Variants in BLTP1 observed in about 807,000 individuals in gnomAD.
BLTP1 encodes bridge-like lipid transfer protein family member 1.
At chr4:122,344,606 A>G in the BLTP1 span, 19 of 1,384,180 alleles carry the variant, frequency 1.4e-5, no homozygotes, top group Non-Finnish European at 1.7e-5. Context: ...GTTTTCCAAA[A>G]TTAAATAATG....
the BLTP1 span, chr4:122,306,007 G>C: frequency 6.2e-7 from 1 of 1,610,340 alleles, no homozygotes. Flanking sequence ...ACTTTGAATA[G>C]ACCAATTGTT....
At chr4:122,343,408 A>G in the BLTP1 span, 1 of 1,613,554 alleles carries the variant, frequency 6.2e-7, no homozygotes, top group Admixed American at 1.7e-5. Context: ...TGCTCACTGT[A>G]GGTTCATCGG....
the BLTP1 span, among the ~76,000 whole-genome samples, chr4:122,321,891 A>G: frequency 2.1e-5 from 3 of 142,710 alleles, no homozygotes; most frequent in Non-Finnish European, 3.0e-5. Flanking sequence ...ACTGCCTTCT[A>G]CCTGGCATAG....
the BLTP1 span, chr4:122,187,924 G>T: frequency 4.4e-6 from 7 of 1,583,358 alleles, no homozygotes; most frequent in African/African-American, 1.4e-5. Context: ...ATCACTACCA[G>T]CCGCAAACTC....
chr4:122,257,409 A>G, the BLTP1 span: 1 of 1,614,052 alleles, frequency 6.2e-7, no homozygotes, highest in Non-Finnish European at 8.5e-7. Context: ...ATGGACCATG[A>G]ACATGAAGAT....
At chr4:122,197,933 AT>A in the BLTP1 span, 1 of 978,984 alleles carries the variant, frequency 1.0e-6, no homozygotes, top group Non-Finnish European at 1.2e-6. Flanking sequence ...AGCAGTTAAG[AT>A]GAAATTCTGC....
chr4:122,304,680 C>T, the BLTP1 span: 1 of 1,456,854 alleles, frequency 6.9e-7, no homozygotes, highest in South Asian at 1.5e-5. Context: ...CAAGGTATGC[C>T]TGTTCATGGT....
At chr4:122,294,490 T>C in the BLTP1 span, among the ~76,000 whole-genome samples, 1 of 152,170 alleles carries the variant, frequency 6.6e-6, no homozygotes, top group East Asian at 1.9e-4. Flanking sequence ...CACTAGAGTC[T>C]GGAGGGGACC....
At chr4:122,217,321 T>G in the BLTP1 span, among the ~76,000 whole-genome samples, 6 of 152,182 alleles carry the variant, frequency 3.9e-5, no homozygotes, top group Non-Finnish European at 7.3e-5. Context: ...TGCTTAGTCT[T>G]ACTTTTGCTA....
At chr4:122,255,987 A>T in the BLTP1 span, 1 of 893,566 alleles carries the variant, frequency 1.1e-6, no homozygotes, top group East Asian at 1.2e-4. Context: ...AGTTTGATGA[A>T]ACAGGGACTA....
chr4:122,246,964 A>G, the BLTP1 span: 1 of 899,744 alleles, frequency 1.1e-6, no homozygotes, highest in Non-Finnish European at 1.3e-6. Context: ...ATAGATTAGT[A>G]ACATATGTCT....
At chr4:122,196,569 G>A in the BLTP1 span, 1 of 1,283,690 alleles carries the variant, frequency 7.8e-7, no homozygotes, top group South Asian at 1.4e-5. Context: ...TATTGATTAT[G>A]TTCCTTTATC....
chr4:122,206,397 A>G, the BLTP1 span, among the ~76,000 whole-genome samples: 7 of 151,962 alleles, frequency 4.6e-5, no homozygotes, highest in African/African-American at 1.4e-4. Context: ...TCAGTGAAAT[A>G]GGTAGTCAAG....
chr4:122,251,870 T>G, the BLTP1 span, among the ~76,000 whole-genome samples: 1 of 152,176 alleles, frequency 6.6e-6, no homozygotes, highest in Non-Finnish European at 1.5e-5. Flanking sequence ...CTAGGTCAGT[T>G]CCGTAATTTA....
At chr4:122,276,690 C>T in the BLTP1 span, 2 of 902,544 alleles carry the variant, frequency 2.2e-6, no homozygotes, top group Non-Finnish European at 2.7e-6. Flanking sequence ...AGCAGCATTT[C>T]AGAGCCTACC....
At chr4:122,272,243 A>T in the BLTP1 span, 1 of 1,613,426 alleles carries the variant, frequency 6.2e-7, no homozygotes, top group Non-Finnish European at 8.5e-7. Context: ...GACTCAGAGG[A>T]AACGTAGCTT....
the BLTP1 span, among the ~76,000 whole-genome samples, chr4:122,183,922 C>A: frequency 3.3e-5 from 5 of 151,630 alleles, no homozygotes; most frequent in Non-Finnish European, 5.9e-5. Context: ...CAAAGAGGTA[C>A]ATTTTTTTTT....
chr4:122,171,711 A>G, the BLTP1 span: 1 of 491,278 alleles, frequency 2.0e-6, no homozygotes, highest in South Asian at 8.8e-5. Flanking sequence ...GTGGGTAGGA[A>G]TATAAGTAGA....
chr4:122,246,617 G>A, the BLTP1 span: 9,470 of 1,546,840 alleles, frequency 6.1e-3, 44 homozygotes, highest in Non-Finnish European at 7.2e-3. Context: ...TTTCATTTTT[G>A]TGCATATTTT....
Sources: gnomAD v4.1 joint callset for allele counts (sites outside exome capture counted in the v4.1 genomes callset) on GRCh38, gnomAD v4.1.1 for gene constraint, MANE v1.5 for transcripts, NCBI Gene and HGNC (gene_info 2026-07-23, HGNC 2026-07-21) for gene names.